MUC7: variants seen among roughly 807,000 people sequenced by gnomAD.
MUC7 encodes the protein mucin 7, secreted, also known as mucin-7.
MUC7 carries 2 observed loss-of-function variants against 2.5 expected under a neutral mutation model. The observed-to-expected ratio is 0.81, with a 90% confidence interval of 0.33 to 2.55. The LOEUF is 2.55. Among genes scored for constraint, MUC7 ranks in the 30% most tolerant of loss-of-function variants. The pLI is 0.11. For missense variants in MUC7, 408 were observed against 455.6 expected (o/e 0.90, Z 0.95); for synonymous variants, 133 against 173.4 (o/e 0.77, Z 1.83).
chr4:70,468,600 T>A (rs1411363759), upstream of MUC7, among the ~76,000 whole-genome samples: 3 of 152,184 alleles, frequency 2.0e-5, no homozygotes, highest in African/African-American at 7.2e-5. Flanking sequence ...ATCACAAGCA[T>A]TCCTATACAC....
At chr4:70,475,017 G>A (rs916157959) in intron 2 of MUC7, among the ~76,000 whole-genome samples, 8 of 152,196 alleles carry the variant, frequency 5.3e-5, no homozygotes, top group Non-Finnish European at 1.2e-4. Context: ...GGTGGCTCAT[G>A]CCTGTAGTCC....
At chr4:70,441,540 G>C (rs1046094172) in intron 1 of MUC7, among the ~76,000 whole-genome samples, 1 of 152,192 alleles carries the variant, frequency 6.6e-6, no homozygotes, top group Non-Finnish European at 1.5e-5. Flanking sequence ...TAAAAACTAT[G>C]ATGGTGAATA....
intron 2 of MUC7, among the ~76,000 whole-genome samples, chr4:70,477,382 C>G (rs1268778588): frequency 6.6e-6 from 1 of 152,172 alleles, no homozygotes; most frequent in Non-Finnish European, 1.5e-5. Flanking sequence ...TGCACTCCAA[C>G]TGGGTGACAG....
intron 2 of MUC7, 22 bp downstream of exon 2, chr4:70,474,097 T>C: frequency 1.9e-6 from 3 of 1,606,844 alleles, no homozygotes; most frequent in African/African-American, 1.3e-5. Flanking sequence ...CCCAAATAAG[T>C]TTTTTCCTTA....
At chr4:70,448,531 A>G (rs116328026) in intron 1 of MUC7, among the ~76,000 whole-genome samples, 375 of 152,330 alleles carry the variant, frequency 2.5e-3, no homozygotes, top group Non-Finnish European at 4.5e-3. Context: ...AGTGATGTTG[A>G]GCACCTTTTT....
intron 1 of MUC7, among the ~76,000 whole-genome samples, chr4:70,463,826 C>T (rs1405886101): frequency 2.0e-5 from 3 of 152,184 alleles, no homozygotes; most frequent in East Asian, 1.9e-4. Context: ...ACTGTGTCCT[C>T]GCCAAACACC....
chr4:70,481,850 G>C lies in MUC7; in HGVS notation c.1106G>C (p.Arg369Thr). ...FLLYMKNLLN[R>T]IIDDMVEQ ...TTATATATGAAGAATCTACTAAACA[G>C]AATTATTGACGACATGGTGGAGCAA... Residue 369 changes from arginine (R) to threonine (T), a missense_variant, in exon 3 of 3, where the codon AGA becomes ACA. This residue lies in a region of MUC7 where 175 missense variants were observed against 187.1 expected (regional missense o/e 0.94). Coordinates refer to ENST00000304887, the MANE Select transcript of MUC7 (RefSeq NM_152291.3). 1.9e-6 allele frequency: 3 copies of C among 1,613,946 alleles called. No individual in the cohort carries two copies. Among genetic ancestry groups the C allele is most frequent in the East Asian group, 2.2e-5 (1 of 44,826 alleles).
chr4:70,447,740 A>C (rs1734181145), intron 1 of MUC7, among the ~76,000 whole-genome samples: 1 of 152,194 alleles, frequency 6.6e-6, no homozygotes, highest in South Asian at 2.1e-4. Context: ...CACATCATGG[A>C]GAATGGGGTA....
intron 1 of MUC7, among the ~76,000 whole-genome samples, chr4:70,442,591 C>T (rs1450889778): frequency 6.6e-6 from 1 of 152,210 alleles, no homozygotes; most frequent in African/African-American, 2.4e-5. Context: ...GAGGCTTTTG[C>T]ACTTTCTGGA....
intron 1 of MUC7, among the ~76,000 whole-genome samples, chr4:70,446,618 A>G (rs1362182670): frequency 6.6e-6 from 1 of 152,170 alleles, no homozygotes; most frequent in Non-Finnish European, 1.5e-5. Flanking sequence ...TACATCTGCA[A>G]TGACTATTTC....
intron 1 of MUC7, among the ~76,000 whole-genome samples, chr4:70,440,830 A>G (rs1312757254): frequency 2.0e-5 from 3 of 152,056 alleles, no homozygotes; most frequent in Non-Finnish European, 2.9e-5. Context: ...GGATGAGAAG[A>G]AGGAAAATTA....
chr4:70,472,602 C>G (rs887581923), intron 1 of MUC7, among the ~76,000 whole-genome samples: 32 of 152,068 alleles, frequency 2.1e-4, no homozygotes, highest in African/African-American at 7.5e-4. Context: ...TATAATAATA[C>G]CACTGAGACT....
rs139060039 is a variant in MUC7, at chr4:70,481,774, A to G, written c.1030A>G (p.Thr344Ala). 4.4e-5 allele frequency: 71 copies of G among 1,614,066 alleles called. No individual in the cohort carries two copies. The highest frequency in any genetic ancestry group is 5.9e-5 in the Non-Finnish European group (70 of 1,180,038). The change falls in exon 3 of 3, where the codon ACT (threonine) becomes GCT (alanine). Residue 344 changes from threonine to alanine, a missense_variant. Around this residue, in one of 3 missense-constraint regions of MUC7, gnomAD observed 175 missense variants for 187.1 expected, o/e 0.94. Transcript: ENST00000304887. ...TTCGGTCACTACTCAAACTACTACT[A>G]CTAAACAACCAACTTCAGCTCCTGG... is the stretch of plus-strand genomic sequence containing the variant. The part of the protein sequence containing the change: ...TTSVTTQTTT[T>A]KQPTSAPGQN...
chr4:70,465,520 C>T (rs1734661993), intron 1 of MUC7, among the ~76,000 whole-genome samples: 1 of 152,122 alleles, frequency 6.6e-6, no homozygotes, highest in South Asian at 2.1e-4. Flanking sequence ...AGCAGAATTG[C>T]TAACTAGAAT....
upstream of MUC7, chr4:70,472,014 C>T (rs1163826632): frequency 6.6e-6 from 1 of 152,240 alleles, no homozygotes; most frequent in Non-Finnish European, 1.5e-5. Flanking sequence ...CTGATCGTCA[C>T]TGTGCTCATC....
intron 1 of MUC7, among the ~76,000 whole-genome samples, chr4:70,473,498 A>G (rs1734903111): frequency 6.6e-6 from 1 of 151,972 alleles, no homozygotes; most frequent in African/African-American, 2.4e-5. Flanking sequence ...AATCTTCAGT[A>G]GAATGAAATT....
At position 70,480,870 on chromosome 4, in the gene MUC7, C is replaced by T; in HGVS notation, c.126C>T (p.His42=). ...RRHHHQSPKS[H]FELPHYPGLL... ...ATCATCACCAATCACCCAAATCTCA[C>T]TTTGAATTACCACATTATCCTGGAC... Residue 42 remains histidine (H), a synonymous_variant, in exon 3 of 3, where the codon CAC becomes CAT. Coordinates refer to ENST00000304887, the MANE Select transcript of MUC7 (RefSeq NM_152291.3). 2 of 1,614,152 alleles carry T rather than the reference C, an allele frequency of 1.2e-6. No individual in the cohort carries two copies. Among genetic ancestry groups the T allele is most frequent in the South Asian group, 1.1e-5 (1 of 91,084 alleles).
intron 1 of MUC7, among the ~76,000 whole-genome samples, chr4:70,431,615 G>C (rs1341726861): frequency 6.6e-6 from 1 of 152,104 alleles, no homozygotes; most frequent in Non-Finnish European, 1.5e-5. Context: ...GATTTAATCA[G>C]TTGTAGTTTT....
chr4:70,480,701 G>A, intron 2 of MUC7, 98 bp from the exon 3 acceptor site: 1 of 1,265,174 alleles, frequency 7.9e-7, no homozygotes, highest in Non-Finnish European at 1.1e-6. Context: ...TCTAATCCCA[G>A]CATTCCACAA....
Sources: allele counts gnomAD v4.1 joint callset (sites outside exome capture counted in the v4.1 genomes callset), GRCh38; gene constraint gnomAD v4.1.1; regional missense constraint gnomAD v4.1.1; transcripts MANE v1.5; gene names NCBI Gene and HGNC (gene_info 2026-07-23, HGNC 2026-07-21).